BCOR: variants seen among roughly 807,000 people sequenced by gnomAD.
BCOR encodes BCL6 corepressor, also known as BCL-6 corepressor.
In BCOR, 10 loss-of-function variants were observed where a neutral mutation model predicts 86.7. The ratio of observed to expected loss-of-function variants is 0.12; its 90% CI spans 0.07 to 0.20. BCOR has a LOEUF of 0.20. Ranked by LOEUF, BCOR falls within the 10% of genes least tolerant of loss-of-function variation. BCOR has a pLI of 1.00. For synonymous variants in BCOR, 611 were observed against 609.0 expected, an observed-to-expected ratio of 1.00 and a Z score of -0.05; for missense variants, 1,259 against 1,452.1, an observed-to-expected ratio of 0.87 and a Z score of 2.16.
chrX:40,071,173 G>A lies in BCOR; in HGVS notation c.3052-14C>T, dbSNP rs373005644. 1.7e-5 allele frequency: 20 copies of A among 1,167,505 alleles called. No homozygotes were observed. Among genetic ancestry groups the A allele is most frequent in the African/African-American group, 7.3e-5 (4 of 55,133 alleles). ...CATCATTGCACGCTAGAAAGAGAAC[G>A]GAGATGGAAAAAAAAAAAAACAACA... On this transcript the variant is annotated splice_polypyrimidine_tract_variant and intron_variant, in intron 5 of 14. Transcript: ENST00000378444.
intron 14 of BCOR, among the ~76,000 whole-genome samples, chrX:40,053,083 C>T (rs1934409040): frequency 9.0e-6 from 1 of 111,619 alleles, no homozygotes; most frequent in South Asian, 3.8e-4. Context: ...ATCCCCATTT[C>T]TTTGATCTCT....
rs774132405 is a variant in BCOR at position 40,063,046 on chromosome X, C to T, written c.3873G>A (p.Pro1291=). The change falls in exon 9 of 15, where the codon CCG becomes CCA. Residue 1291 remains proline (P), a synonymous_variant. Coordinates refer to ENST00000378444, the MANE Select transcript of BCOR (RefSeq NM_001123385.2). ...TGGTGGATGAAAGACTCTTCATGGG[C>T]GGAGAGCCGGAGAACACAGGCAAGC... ...EQGLPVFSGS[P]PMKSLSSTSA... 13 of 1,051,259 alleles carry T rather than the reference C, an allele frequency of 1.2e-5. No individual in the cohort carries two copies. The South Asian group carries it at 1.4e-4, about 11-fold the overall frequency. 86.6% of individuals were successfully genotyped at this position (1,051,259 alleles called of 1,213,427 possible). A position where few individuals can be genotyped will look rare whatever the true frequency, so the allele number is the denominator to read the frequency against.
At chrX:40,172,595 G>A (rs1331642208) in intron 1 of BCOR, among the ~76,000 whole-genome samples, 1 of 113,045 alleles carries the variant, frequency 8.8e-6, no homozygotes, top group African/African-American at 3.2e-5. Flanking sequence ...GACGGGTGTT[G>A]AGGGGAGAGT....
At chrX:40,159,133 G>A (rs939271682) in intron 1 of BCOR, among the ~76,000 whole-genome samples, 1 of 111,756 alleles carries the variant, frequency 8.9e-6, no homozygotes, top group East Asian at 2.8e-4. Flanking sequence ...ACGGTTCCCG[G>A]GGCTAACAGT....
At chrX:40,092,136 G>A (rs1274969142) in intron 1 of BCOR, among the ~76,000 whole-genome samples, 2 of 112,071 alleles carry the variant, frequency 1.8e-5, no homozygotes, top group Non-Finnish European at 3.8e-5. Context: ...GCCTCTCCGG[G>A]TCCGCCGGGC....
chrX:40,157,100 C>T (rs1369791658), intron 1 of BCOR, among the ~76,000 whole-genome samples: 1 of 113,388 alleles, frequency 8.8e-6, no homozygotes, highest in East Asian at 2.8e-4. Flanking sequence ...GACCCCAGCT[C>T]ACGGAGGCCT....
chrX:40,132,207 G>A (rs1356773641), intron 1 of BCOR, among the ~76,000 whole-genome samples: 1 of 112,028 alleles, frequency 8.9e-6, no homozygotes, highest in Non-Finnish European at 1.9e-5. Flanking sequence ...TCCTTCCGAT[G>A]GCTGCAGCCC....
intron 6 of BCOR, among the ~76,000 whole-genome samples, chrX:40,064,867 TG>T (rs2147087358): frequency 8.9e-6 from 1 of 111,825 alleles, no homozygotes; most frequent in East Asian, 2.8e-4. Flanking sequence ...TTCTTATGGT[TG>T]GGGGCAAGAG....
Position 40,084,036 on chromosome X carries a change from G to T in BCOR, c.-40-6067C>A, listed in dbSNP as rs370506868. On this transcript the variant is annotated intron_variant, in intron 1 of 14. Coordinates refer to ENST00000378444, the MANE Select transcript of BCOR (RefSeq NM_001123385.2). ...GAATGGGCACGGCAGACCCCTCCTCGCCATCGTTCTGGGTTCCCTTCCGAT... is the reference window on the plus strand; with the variant it reads ...GAATGGGCACGGCAGACCCCTCCTCTCCATCGTTCTGGGTTCCCTTCCGAT... 2.7e-5 allele frequency among the ~76,000 whole-genome samples: 3 copies of T among 112,192 alleles called. No individual in the cohort carries two copies. In the East Asian group the frequency reaches 8.5e-4, roughly 32 times the overall value.
chrX:40,172,396 C>T (rs900325830), intron 1 of BCOR, among the ~76,000 whole-genome samples: 6 of 112,803 alleles, frequency 5.3e-5, no homozygotes, highest in African/African-American at 1.9e-4. Context: ...CTAGCGTGCG[C>T]GCAGACCTTG....
intron 1 of BCOR, among the ~76,000 whole-genome samples, chrX:40,133,584 C>T (rs958731895): frequency 9.0e-6 from 1 of 111,084 alleles, no homozygotes; most frequent in Admixed American, 9.5e-5. Context: ...CTCAGCCTGC[C>T]GCATAGCTGG....
Position 40,052,085 on chromosome X carries a change from C to G in BCOR, c.*24G>C. Reference sequence around the variant, plus strand: ...GCACAAGGATTAACACTATAACACACTGTACATGGTGGGTCCAGCTTGCTC... The same window carrying G: ...GCACAAGGATTAACACTATAACACAGTGTACATGGTGGGTCCAGCTTGCTC... On this transcript the variant is annotated 3_prime_UTR_variant, in exon 15 of 15. Transcript: ENST00000378444. The G allele has an allele frequency of 8.6e-7, 1 of 1,162,780 alleles. No homozygotes were observed. Among genetic ancestry groups the G allele is most frequent in the Non-Finnish European group, 1.2e-6 (1 of 867,260 alleles).
At chrX:40,119,142 G>GT (rs1384168399) in intron 1 of BCOR, among the ~76,000 whole-genome samples, 4 of 111,239 alleles carry the variant, frequency 3.6e-5, no homozygotes, top group Non-Finnish European at 7.5e-5. Flanking sequence ...CTGAGACTCT[G>GT]TTTTTTAAGA....
Position 40,062,903 on chromosome X carries a change from T to C in BCOR, c.4016A>G (p.Glu1339Gly). The part of the protein sequence containing the change: ...KTDVLCADEE[E>G]DCQAASLLQK... ...CAGCAGGGAGGCAGCCTGGCAATCCTCTTCTTCGTCTGCACACAGCACATC... is the reference window on the plus strand; with the variant it reads ...CAGCAGGGAGGCAGCCTGGCAATCCCCTTCTTCGTCTGCACACAGCACATC... The change falls in exon 9 of 15, where the codon GAG (glutamate) becomes GGG (glycine). Residue 1339 changes from glutamate to glycine, a missense_variant. Around this residue, in one of 7 missense-constraint regions of BCOR, gnomAD observed 305 missense variants for 286.1 expected, o/e 1.07. Coordinates refer to ENST00000378444, the MANE Select transcript of BCOR (RefSeq NM_001123385.2). 2.5e-6 allele frequency: 3 copies of C among 1,210,804 alleles called. No individual in the cohort carries two copies. The highest frequency in any genetic ancestry group is 3.4e-6 in the Non-Finnish European group (3 of 894,952).
In BCOR at chrX:40,063,789, C is replaced by T. The variant is rs140582368; in HGVS notation, c.3666G>A (p.Val1222=). The T allele has an allele frequency of 1.7e-6, 2 of 1,210,215 alleles. No homozygotes were observed. Among genetic ancestry groups the T allele is most frequent in the African/African-American group, 3.5e-5 (2 of 57,110 alleles). The change falls in exon 8 of 15, where the codon GTG becomes GTA. Residue 1222 remains valine, a synonymous_variant. Coordinates refer to ENST00000378444, the MANE Select transcript of BCOR (RefSeq NM_001123385.2). ...LHLRERWEQQ[V]SAADGKPGRQ... The stretch of plus-strand genomic sequence containing the variant: ...GGCCAGGTTTGCCATCTGCTGCCGA[C>T]ACCTGCTGCTCCCATCGTTCTCTAA...
chrX:40,164,928 C>T (rs1938484045), intron 1 of BCOR, among the ~76,000 whole-genome samples: 2 of 111,954 alleles, frequency 1.8e-5, no homozygotes, highest in Non-Finnish European at 3.8e-5. Context: ...TGTCCCCCAC[C>T]ATTTCCTCCT....
chrX:40,094,778 G>C (rs977908145), intron 1 of BCOR, among the ~76,000 whole-genome samples: 34 of 113,028 alleles, frequency 3.0e-4, no homozygotes, highest in Non-Finnish European at 3.8e-5. Context: ...GCCGTCCCTC[G>C]CTACCGGCCC....
At chrX:40,119,859 G>A (rs1937456918) in intron 1 of BCOR, among the ~76,000 whole-genome samples, 1 of 111,025 alleles carries the variant, frequency 9.0e-6, no homozygotes, top group East Asian at 2.8e-4. Context: ...TAATAAACCA[G>A]GGAGGAATCA....
chrX:40,174,840 T>C (rs1938707772), intron 1 of BCOR, among the ~76,000 whole-genome samples: 1 of 112,840 alleles, frequency 8.9e-6, no homozygotes, highest in Non-Finnish European at 1.9e-5. Context: ...TTGACCACAG[T>C]TTCTCACAGT....
Sources: gnomAD v4.1 joint callset for allele counts (sites outside exome capture counted in the v4.1 genomes callset) on GRCh38, gnomAD v4.1.1 for gene constraint, gnomAD v4.1.1 regional missense constraint, MANE v1.5 for transcripts, NCBI Gene and HGNC (gene_info 2026-07-23, HGNC 2026-07-21) for gene names.